The following CSMD1 variants were observed in gnomAD, a reference collection of about 807,000 sequenced individuals.
CSMD1 encodes the protein CUB and Sushi multiple domains 1.
In CSMD1, 213 loss-of-function variants were observed where a neutral mutation model predicts 417.5. The observed-to-expected ratio is 0.51, with a 90% confidence interval of 0.46 to 0.57. The LOEUF is 0.57. Ranked by LOEUF, CSMD1 falls within the 20% of genes least tolerant of loss-of-function variation. The pLI is 0.00. For missense variants in CSMD1, 6,923 were observed against 4,529.7 expected (o/e 1.53, Z -15.17); for synonymous variants, 2,862 against 1,736.8 (o/e 1.65, Z -16.11).
At chr8:3,173,289 C>A (rs1395424986) in intron 37 of CSMD1, among the ~76,000 whole-genome samples, 1 of 152,180 alleles carries the variant, frequency 6.6e-6, no homozygotes, top group Non-Finnish European at 1.5e-5. Context: ...GTAGAAGTGA[C>A]TTCACATTCC....
chr8:4,887,478 C>T (rs142715795), intron 1 of CSMD1, among the ~76,000 whole-genome samples: 318 of 151,992 alleles, frequency 2.1e-3, no homozygotes, highest in Admixed American at 4.8e-3. Flanking sequence ...GTTTTTGTTA[C>T]GTGTAGATAA....
At chr8:4,089,678 A>C (rs1419538503) in intron 3 of CSMD1, among the ~76,000 whole-genome samples, 1 of 152,236 alleles carries the variant, frequency 6.6e-6, no homozygotes, top group Non-Finnish European at 1.5e-5. Flanking sequence ...TAAAGTGCTT[A>C]ACATATAGAA....
intron 3 of CSMD1, among the ~76,000 whole-genome samples, chr8:4,113,612 G>C (rs879361787): frequency 6.6e-5 from 10 of 152,010 alleles, no homozygotes; most frequent in Admixed American, 6.6e-4. Context: ...CACTGTGTTA[G>C]CCAGGATGGT....
At chr8:4,498,388 TG>T in intron 2 of CSMD1, among the ~76,000 whole-genome samples, 1 of 152,316 alleles carries the variant, frequency 6.6e-6, no homozygotes, top group Middle Eastern at 3.4e-3. Context: ...TGCATATTTT[TG>T]TATATATTTC....
At chr8:4,033,915 T>C (rs1394731533) in intron 3 of CSMD1, among the ~76,000 whole-genome samples, 1 of 152,198 alleles carries the variant, frequency 6.6e-6, no homozygotes, top group Non-Finnish European at 1.5e-5. Flanking sequence ...TGTATCCATA[T>C]CTAAGGTTTA....
chr8:3,183,617 T>G (rs998564845), intron 36 of CSMD1, among the ~76,000 whole-genome samples: 4 of 150,888 alleles, frequency 2.7e-5, no homozygotes, highest in Non-Finnish European at 5.9e-5. Context: ...CTCTAATGTT[T>G]CTTAACGATA....
At chr8:4,482,130 A>G (rs989901679) in intron 2 of CSMD1, among the ~76,000 whole-genome samples, 7 of 152,196 alleles carry the variant, frequency 4.6e-5, no homozygotes, top group African/African-American at 1.4e-4. Flanking sequence ...TCAGGGGTAC[A>G]TGAGCAGGTT....
intron 4 of CSMD1, among the ~76,000 whole-genome samples, chr8:4,010,278 T>A (rs1236242378): frequency 2.6e-5 from 4 of 152,118 alleles, no homozygotes; most frequent in African/African-American, 9.7e-5. Flanking sequence ...TGCCCAGCTT[T>A]GAGTCTCTTG....
chr8:3,889,533 A>G (rs1371153006), intron 5 of CSMD1, among the ~76,000 whole-genome samples: 5 of 111,690 alleles, frequency 4.5e-5, no homozygotes, highest in African/African-American at 1.4e-4. Context: ...ATATATATAC[A>G]TACACACATA....
chr8:4,165,246 A>G (rs1408942494), intron 3 of CSMD1, among the ~76,000 whole-genome samples: 2 of 152,228 alleles, frequency 1.3e-5, no homozygotes, highest in Admixed American at 6.5e-5. Flanking sequence ...TCAAAAGGAC[A>G]TGGAGGTCTG....
At chr8:4,159,308 G>A (rs1297727123) in intron 3 of CSMD1, among the ~76,000 whole-genome samples, 3 of 152,134 alleles carry the variant, frequency 2.0e-5, no homozygotes, top group African/African-American at 7.2e-5. Context: ...TATTTTAAAA[G>A]CTAAATTAAT....
chr8:3,225,903 C>G (rs11782249), intron 27 of CSMD1, among the ~76,000 whole-genome samples: 70,901 of 151,970 alleles, frequency 0.47, 17,072 homozygotes, highest in Admixed American at 0.57. Context: ...GAGATGCTAG[C>G]AAATTCTCCA....
At chr8:4,104,809 G>C (rs530310373) in intron 3 of CSMD1, among the ~76,000 whole-genome samples, 2 of 152,164 alleles carry the variant, frequency 1.3e-5, no homozygotes, top group South Asian at 2.1e-4. Context: ...TTTACGAAGA[G>C]TGTCTTTAAA....
intron 25 of CSMD1, among the ~76,000 whole-genome samples, chr8:3,292,511 C>T (rs1803654642): frequency 6.6e-6 from 1 of 152,154 alleles, no homozygotes; most frequent in African/African-American, 2.4e-5. Context: ...CTGCGTGCTC[C>T]TGTATTGGGT....
chr8:3,467,781 G>C (rs775717479), intron 12 of CSMD1, among the ~76,000 whole-genome samples: 1 of 152,124 alleles, frequency 6.6e-6, no homozygotes, highest in Non-Finnish European at 1.5e-5. Flanking sequence ...TGTTGATTTA[G>C]GATTGGTGGA....
intron 1 of CSMD1, among the ~76,000 whole-genome samples, chr8:4,741,726 T>C (rs1387600780): frequency 6.6e-6 from 1 of 152,140 alleles, no homozygotes; most frequent in Non-Finnish European, 1.5e-5. Context: ...ATCCCTGACA[T>C]AGTAGCTTGT....
At chr8:3,790,266 G>A (rs1369163537) in intron 5 of CSMD1, among the ~76,000 whole-genome samples, 1 of 152,106 alleles carries the variant, frequency 6.6e-6, no homozygotes, top group East Asian at 1.9e-4. Context: ...AAACTGAAAC[G>A]AAATAACAGA....
chr8:4,530,767 C>T (rs895941801), intron 2 of CSMD1, among the ~76,000 whole-genome samples: 4 of 151,174 alleles, frequency 2.6e-5, no homozygotes, highest in African/African-American at 4.9e-5. Flanking sequence ...TGGGTTGCTT[C>T]CAAGTCTTTG....
chr8:4,255,462 T>C (rs1214471438), intron 3 of CSMD1, among the ~76,000 whole-genome samples: 2 of 152,222 alleles, frequency 1.3e-5, no homozygotes, highest in African/African-American at 2.4e-5. Context: ...TAAAAATGAT[T>C]CTATAAAGAC....
Sources: allele counts gnomAD v4.1 joint callset (sites outside exome capture counted in the v4.1 genomes callset), GRCh38; gene constraint gnomAD v4.1.1; transcripts MANE v1.5; gene names NCBI Gene and HGNC (gene_info 2026-07-23, HGNC 2026-07-21).